Variants in REELD1 observed in about 807,000 individuals in gnomAD.
The protein encoded by REELD1 is reeler domain containing 1.
REELD1 carries 12 observed loss-of-function variants against 6.3 expected under a neutral mutation model. That is an observed-to-expected ratio of 1.89 (90% confidence interval 1.21 to 3.07). The LOEUF is 3.07. Among genes scored for constraint, REELD1 ranks in the 30% most tolerant of loss-of-function variants. REELD1 has a pLI of 0.00. For missense variants in REELD1, 163 were observed against 86.8 expected, an observed-to-expected ratio of 1.88 and a Z score of -3.49; for synonymous variants, 57 against 33.6, an observed-to-expected ratio of 1.70 and a Z score of -2.42.
At chr4:146,223,830 A>C (rs888658091) in intron 4 of REELD1, among the ~76,000 whole-genome samples, 6 of 152,186 alleles carry the variant, frequency 3.9e-5, no homozygotes, top group Non-Finnish European at 7.3e-5. Flanking sequence ...CAAATTAATC[A>C]CCTTGTTATG....
rs1489261340 is a variant in REELD1 at position 146,216,933 on chromosome 4, A to T, written c.-11-9A>T. On this transcript the variant is annotated splice_polypyrimidine_tract_variant and intron_variant, in intron 2 of 7. Transcript: ENST00000623665. The stretch of plus-strand genomic sequence containing the variant: ...GTCTGGACTGAAGCTGCTGTTTGTC[A>T]TGATACAGGAGAGGGCAGGATGAGG... The T allele has an allele frequency of 7.5e-6, 3 of 398,490 alleles. No homozygotes were observed. Among genetic ancestry groups the T allele is most frequent in the African/African-American group, 6.2e-5 (3 of 48,622 alleles). 24.7% of individuals were successfully genotyped at this position (398,490 alleles called of 1,614,324 possible).
At chr4:146,222,759 A>T (rs1160415809) in intron 4 of REELD1, among the ~76,000 whole-genome samples, 180 bp downstream of exon 4, 2 of 152,184 alleles carry the variant, frequency 1.3e-5, no homozygotes, top group Non-Finnish European at 2.9e-5. Flanking sequence ...ACTAAAAAAA[A>T]TATTGCCCCC....
rs1253391432 is a variant in REELD1 at position 146,217,024 on chromosome 4, T to C, written c.72T>C (p.Phe24=). The C allele has an allele frequency of 5.0e-6, 2 of 398,820 alleles. No homozygotes were observed. Among genetic ancestry groups the C allele is most frequent in the Non-Finnish European group, 8.8e-6 (2 of 226,294 alleles). 24.7% of individuals were successfully genotyped at this position (398,820 alleles called of 1,614,324 possible). A position where few individuals can be genotyped will look rare whatever the true frequency, so the allele number is the denominator to read the frequency against. The part of the protein sequence containing the change: ...TLCLASCSSA[F]SHGASTVACD... ...GCCTGGCTTCCTGCTCATCTGCCTT[T>C]TCCCATGGTGCCAGCACGGTGGCCT... Residue 24 remains phenylalanine, a synonymous_variant, in exon 3 of 8, where the codon TTT becomes TTC. Transcript: ENST00000623665.
intron 5 of REELD1, among the ~76,000 whole-genome samples, chr4:146,227,492 G>A (rs544934009): frequency 5.3e-5 from 8 of 152,158 alleles, no homozygotes; most frequent in Admixed American, 1.3e-4. Flanking sequence ...CCTGCTTCAC[G>A]CTTCCACCTC....
chr4:146,217,000 C>T lies in REELD1; in HGVS notation c.48C>T (p.Cys16=). 2 of 398,816 alleles carry T rather than the reference C, an allele frequency of 5.0e-6. No individual in the cohort carries two copies. Among genetic ancestry groups the T allele is most frequent in the East Asian group, 3.6e-5 (1 of 28,070 alleles). The allele number at this position is 398,816 out of a possible 1,614,324, so 24.7% of individuals were successfully genotyped here. A position where few individuals can be genotyped will look rare whatever the true frequency, so the allele number is the denominator to read the frequency against. Residue 16 remains cysteine, a synonymous_variant, in exon 3 of 8, where the codon TGC becomes TGT. Coordinates refer to ENST00000623665, the MANE Select transcript of REELD1 (RefSeq NM_001354631.1). ...TGGGCTGGGCTTGTACCACCCTCTG[C>T]CTGGCTTCCTGCTCATCTGCCTTTT... is the stretch of plus-strand genomic sequence containing the variant. ...ALVGWACTTL[C]LASCSSAFSH...
At chr4:146,226,533 T>C (rs2110923927) in intron 5 of REELD1, among the ~76,000 whole-genome samples, 1 of 152,284 alleles carries the variant, frequency 6.6e-6, no homozygotes, top group African/African-American at 2.4e-5. Context: ...GCCTCAACAA[T>C]GGTGCGTTCT....
chr4:146,219,612 A>G (rs1730884567), intron 3 of REELD1, among the ~76,000 whole-genome samples: 1 of 152,224 alleles, frequency 6.6e-6, no homozygotes, highest in Admixed American at 6.5e-5. Context: ...ATTCCCTTGA[A>G]CATGAGTGGC....
chr4:146,230,637 G>T lies in REELD1; in HGVS notation c.*124G>T. ...CTCATTGTGCCTCTGTCAATGTGCA[G>T]TTAGTGGAGGAACCCGGGAGAGGAC... On this transcript the variant is annotated 3_prime_UTR_variant, in exon 8 of 8. Transcript: ENST00000623665. 7.6e-6 allele frequency: 3 copies of T among 397,196 alleles called. No homozygotes were observed. The highest frequency in any genetic ancestry group is 1.3e-5 in the Non-Finnish European group (3 of 225,698). The allele number at this position is 397,196 out of a possible 1,614,324, so 24.6% of individuals were successfully genotyped here.
At chr4:146,215,356 C>A (rs1385637575) in intron 2 of REELD1, among the ~76,000 whole-genome samples, 158 bp downstream of exon 2, 4 of 152,204 alleles carry the variant, frequency 2.6e-5, no homozygotes, top group African/African-American at 9.6e-5. Context: ...GCCATGGTTC[C>A]TTGTAGTATG....
At chr4:146,226,389 A>G (rs1474985838) in intron 5 of REELD1, among the ~76,000 whole-genome samples, 8 of 152,292 alleles carry the variant, frequency 5.3e-5, no homozygotes, top group Admixed American at 3.9e-4. Context: ...AGTCTATTCC[A>G]GCTGCTATGA....
At chr4:146,216,298 T>C (rs72946699) in intron 2 of REELD1, among the ~76,000 whole-genome samples, 3,661 of 152,346 alleles carry the variant, frequency 0.024, 161 homozygotes, top group African/African-American at 0.084. Context: ...GTTTAAGAAG[T>C]TATAGAATAA....
Position 146,230,370 on chromosome 4 carries a change from G to A in REELD1, c.1438G>A (p.Glu480Lys). The change falls in exon 8 of 8, where the codon GAG becomes AAG. Residue 480 changes from glutamate (E) to lysine (K), a missense_variant. By Grantham distance (56) the Glu-to-Lys change is moderately conservative. Transcript: ENST00000623665. ...CHQQTEVSFS[E>K]PASDAVARSN... ...CCAGCAGACAGAAGTGTCTTTCAGTGAGCCCGCTTCGGATGCTGTTGCCAG... is the reference window on the plus strand; with the variant it reads ...CCAGCAGACAGAAGTGTCTTTCAGTAAGCCCGCTTCGGATGCTGTTGCCAG... 5.0e-6 allele frequency: 2 copies of A among 398,764 alleles called. No individual in the cohort carries two copies. The highest frequency in any genetic ancestry group is 8.8e-6 in the Non-Finnish European group (2 of 226,170). The allele number at this position is 398,764 out of a possible 1,614,324, so 24.7% of individuals were successfully genotyped here.
intron 5 of REELD1, among the ~76,000 whole-genome samples, chr4:146,225,996 C>A (rs373666623): frequency 6.6e-6 from 1 of 151,964 alleles, no homozygotes; most frequent in Non-Finnish European, 1.5e-5. Context: ...TATGTGCATG[C>A]GTGTGTGCAT....
At chr4:146,215,604 A>G (rs1730809840) in intron 2 of REELD1, among the ~76,000 whole-genome samples, 1 of 147,966 alleles carries the variant, frequency 6.8e-6, no homozygotes, top group African/African-American at 2.5e-5. Context: ...CTACATTTTC[A>G]GGATTTTATT....
At chr4:146,228,941 T>G in intron 6 of REELD1, 84 bp from the exon 7 acceptor site, 1 of 695,424 alleles carries the variant, frequency 1.4e-6, no homozygotes, top group Admixed American at 2.0e-5. Flanking sequence ...TGTTGCCATC[T>G]GCATACACAA....
At chr4:146,223,023 G>A (rs1730951479) in intron 4 of REELD1, among the ~76,000 whole-genome samples, 1 of 152,134 alleles carries the variant, frequency 6.6e-6, no homozygotes, top group Non-Finnish European at 1.5e-5. Context: ...CATAACCACA[G>A]CACCTCCCTC....
chr4:146,225,275 T>G (rs1731000914), intron 5 of REELD1, among the ~76,000 whole-genome samples: 1 of 152,188 alleles, frequency 6.6e-6, no homozygotes, highest in Non-Finnish European at 1.5e-5. Flanking sequence ...GGAACTCCTT[T>G]TTGTTGTTTA....
chr4:146,226,710 AG>A (rs1731029922), intron 5 of REELD1, among the ~76,000 whole-genome samples: 1 of 152,178 alleles, frequency 6.6e-6, no homozygotes, highest in Admixed American at 6.5e-5. Flanking sequence ...ATGAATTTTG[AG>A]GGGGGCACAT....
Position 146,222,553 on chromosome 4 carries a change from C to A in REELD1, c.405C>A (p.Ala135=). Residue 135 remains alanine (A), a synonymous_variant, in exon 4 of 8, where the codon GCC becomes GCA. Coordinates refer to ENST00000623665, the MANE Select transcript of REELD1 (RefSeq NM_001354631.1). ...TGTCATTCGTGTGGAAGGCCCCAGC[C>A]CAGCCTGTGGGGGACATTAAGTTCC... ...RNLSFVWKAP[A]QPVGDIKFLL... The A allele has an allele frequency of 2.5e-6, 1 of 398,630 alleles. No homozygotes were observed. The highest frequency in any genetic ancestry group is 4.4e-6 in the Non-Finnish European group (1 of 226,090). The allele number at this position is 398,630 out of a possible 1,614,324, so 24.7% of individuals were successfully genotyped here.
Sources: gnomAD v4.1 joint callset for allele counts (sites outside exome capture counted in the v4.1 genomes callset) on GRCh38, gnomAD v4.1.1 for gene constraint, MANE v1.5 for transcripts, NCBI Gene and HGNC (gene_info 2026-07-23, HGNC 2026-07-21) for gene names.